FAM167A: variants seen among roughly 807,000 people sequenced by gnomAD.
FAM167A encodes the protein protein FAM167A.
A neutral mutation model predicts 14.9 loss-of-function variants in FAM167A; 23 were observed. That is an observed-to-expected ratio of 1.55 (90% CI 1.11 to 2.19). The LOEUF (loss-of-function observed/expected upper bound fraction) is 2.19, where lower values mean the gene tolerates loss of function less well. Ranked by LOEUF, FAM167A falls within the 30% of genes most tolerant of loss-of-function variation. The pLI is 0.00. For synonymous variants in FAM167A, 174 were observed against 117.7 expected (o/e 1.48, Z -3.10); for missense variants, 401 against 281.5 (o/e 1.42, Z -3.04).
upstream of FAM167A, among the ~76,000 whole-genome samples, chr8:11,471,578 C>G (rs1807961523): frequency 6.6e-6 from 1 of 152,278 alleles, no homozygotes; most frequent in East Asian, 1.9e-4. Context: ...TGGGCGGTCA[C>G]TTAAGTTTTC....
At chr8:11,459,696 T>C (rs969625906) in intron 1 of FAM167A, among the ~76,000 whole-genome samples, 3 of 152,242 alleles carry the variant, frequency 2.0e-5, no homozygotes, top group South Asian at 2.1e-4. Flanking sequence ...GGAATTCAAC[T>C]GGAACAGGGA....
intron 1 of FAM167A, among the ~76,000 whole-genome samples, chr8:11,456,047 G>T (rs1807263314): frequency 6.8e-6 from 1 of 147,418 alleles, no homozygotes; most frequent in Non-Finnish European, 1.5e-5. Context: ...TGTGAGTGTG[G>T]GGTGGTTGCC....
intron 2 of FAM167A, among the ~76,000 whole-genome samples, chr8:11,433,291 C>T (rs1239190465): frequency 1.3e-5 from 2 of 152,164 alleles, no homozygotes; most frequent in Non-Finnish European, 2.9e-5. Flanking sequence ...TTACCTTTAA[C>T]CTACCATGGT....
At chr8:11,452,857 G>C (rs916412638) in intron 1 of FAM167A, among the ~76,000 whole-genome samples, 1 of 152,220 alleles carries the variant, frequency 6.6e-6, no homozygotes, top group Non-Finnish European at 1.5e-5. Context: ...TCTCCTCAGA[G>C]TTCACCGAGC....
chr8:11,447,203 G>A lies in FAM167A; in HGVS notation c.-397-2395C>T, dbSNP rs1166166231. Reference sequence around the variant, plus strand: ...CTTTTCTTTTTCTTTTTTTTGAGACGGAGTTTTCACTCTTGTCACCCAGGC... The same window carrying A: ...CTTTTCTTTTTCTTTTTTTTGAGACAGAGTTTTCACTCTTGTCACCCAGGC... On this transcript the variant is annotated intron_variant, in intron 1 of 2. Transcript: ENST00000284486. Among the ~76,000 whole-genome samples, 8 of 65,340 alleles carry A rather than the reference G, an allele frequency of 1.2e-4. 1 individual carries two copies. The highest frequency in any genetic ancestry group is 3.5e-4 in the African/African-American group (6 of 17,178). 42.9% of individuals were successfully genotyped at this position (65,340 alleles called of 152,430 possible). A position where few individuals can be genotyped will look rare whatever the true frequency, so the allele number is the denominator to read the frequency against.
At chr8:11,424,945 G>A (rs1214057678) in intron 2 of FAM167A, among the ~76,000 whole-genome samples, 5 of 152,162 alleles carry the variant, frequency 3.3e-5, no homozygotes, top group Admixed American at 2.6e-4. Context: ...TCATTTAGAT[G>A]GAGTAAGAGT....
intron 1 of FAM167A, among the ~76,000 whole-genome samples, 179 bp downstream of exon 1, chr8:11,466,447 G>C (rs1434732876): frequency 2.0e-5 from 3 of 146,824 alleles, no homozygotes; most frequent in Non-Finnish European, 4.4e-5. Context: ...CGCATGAGCG[G>C]CCTCTCCCGG....
intron 1 of FAM167A, among the ~76,000 whole-genome samples, chr8:11,475,054 C>G (rs928508352): frequency 3.9e-5 from 6 of 152,150 alleles, no homozygotes; most frequent in African/African-American, 1.4e-4. Context: ...AACAAATGAG[C>G]AGGACTCTTC....
intron 2 of FAM167A, among the ~76,000 whole-genome samples, chr8:11,431,324 G>A (rs1805574173): frequency 6.6e-6 from 1 of 152,254 alleles, no homozygotes; most frequent in Non-Finnish European, 1.5e-5. Context: ...CCACTTAGAA[G>A]AGGTTCCTAG....
At chr8:11,437,077 G>A (rs545983896) in intron 2 of FAM167A, among the ~76,000 whole-genome samples, 5 of 152,252 alleles carry the variant, frequency 3.3e-5, no homozygotes, top group Admixed American at 1.3e-4. Context: ...TCCATTACTC[G>A]GGTACCTGTC....
chr8:11,433,609 G>A (rs961270214), intron 2 of FAM167A, among the ~76,000 whole-genome samples: 2 of 152,178 alleles, frequency 1.3e-5, no homozygotes, highest in Admixed American at 6.5e-5. Flanking sequence ...GAAAGAGTGC[G>A]TGTCCTGGAG....
chr8:11,466,872 T>TCGCCCCGGGTCCGAGCG (rs921454474), upstream of FAM167A: 2 of 152,118 alleles, frequency 1.3e-5, no homozygotes, highest in African/African-American at 2.4e-5. Flanking sequence ...CCTCGCGTTC[T>TCGCCCCGGGTCCGAGCG]CGCCCCGGGT....
chr8:11,443,956 G>GAGAGAGACAGAAAAAGACAC lies in FAM167A; in HGVS notation c.381+55_381+74dup, dbSNP rs1363558634. 78 of 1,518,026 alleles carry GAGAGAGACAGAAAAAGACAC rather than the reference G, an allele frequency of 5.1e-5. No individual in the cohort carries two copies. In the African/African-American group the frequency reaches 9.7e-4, roughly 19 times the overall value. The allele number at this position is 1,518,026 out of a possible 1,614,324, so 94.0% of individuals were successfully genotyped here. On this transcript the variant is annotated intron_variant, in intron 2 of 2. Coordinates refer to ENST00000284486, the MANE Select transcript of FAM167A (RefSeq NM_053279.3). Reference sequence around the variant, plus strand: ...CATGGTGGGGGTGGGGAGACAGACAGAGAGAGACAGAAAAAGACACAGAGA... The same window carrying GAGAGAGACAGAAAAAGACAC: ...CATGGTGGGGGTGGGGAGACAGACAGAGAGAGACAGAAAAAGACACAGAGAGACAGAAAAAGACACAGAGA...
In FAM167A at chr8:11,424,538, G is replaced by A. The variant is rs1804995781; in HGVS notation, c.480C>T (p.His160=). The part of the protein sequence containing the change: ...KLKIEHTCRL[H]RRMLNDATYE... ...AGGTGGCATCGTTGAGCATCCTCCTGTGGAGGCGGCAGGTGTGTTCGATTT... is the reference window on the plus strand; with the variant it reads ...AGGTGGCATCGTTGAGCATCCTCCTATGGAGGCGGCAGGTGTGTTCGATTT... The change falls in exon 3 of 3, where the codon CAC becomes CAT. Residue 160 remains histidine (H), a synonymous_variant. Transcript: ENST00000284486. 2 of 1,614,212 alleles carry A rather than the reference G, an allele frequency of 1.2e-6. No homozygotes were observed. The highest frequency in any genetic ancestry group is 1.3e-5 in the African/African-American group (1 of 75,062).
intron 2 of FAM167A, among the ~76,000 whole-genome samples, chr8:11,434,564 C>G (rs1805864832): frequency 6.6e-6 from 1 of 152,200 alleles, no homozygotes; most frequent in African/African-American, 2.4e-5. Flanking sequence ...CTGCCGAGGA[C>G]TCCACAGGAA....
chr8:11,445,232 CG>C (rs1563377539), intron 1 of FAM167A: 2 of 985,238 alleles, frequency 2.0e-6, no homozygotes, highest in Non-Finnish European at 2.4e-6. Context: ...TGGCAACAGC[CG>C]GGGGGTCCCC....
intron 1 of FAM167A, among the ~76,000 whole-genome samples, chr8:11,461,645 C>A (rs748356769): frequency 6.6e-6 from 1 of 152,238 alleles, no homozygotes; most frequent in Non-Finnish European, 1.5e-5. Context: ...TTCAGCCCAC[C>A]AGAGTGGCTC....
chr8:11,443,225 G>C (rs993748712), intron 2 of FAM167A, among the ~76,000 whole-genome samples: 24 of 152,316 alleles, frequency 1.6e-4, no homozygotes, highest in African/African-American at 5.5e-4. Flanking sequence ...TTCTCCCCTG[G>C]GGGGGTGGAA....
intron 1 of FAM167A, among the ~76,000 whole-genome samples, chr8:11,459,005 G>C (rs1807438247): frequency 6.6e-6 from 1 of 152,226 alleles, no homozygotes; most frequent in Admixed American, 6.5e-5. Context: ...CACCTGCTGG[G>C]TATAACCAGT....
Sources: allele counts gnomAD v4.1 joint callset (sites outside exome capture counted in the v4.1 genomes callset), GRCh38; gene constraint gnomAD v4.1.1; transcripts MANE v1.5; gene names NCBI Gene and HGNC (gene_info 2026-07-23, HGNC 2026-07-21).